AKT3: variants seen among roughly 807,000 people sequenced by gnomAD.
AKT3 encodes the protein RAC-gamma serine/threonine-protein kinase.
Under a neutral mutation model 65.3 loss-of-function variants are expected in AKT3, and 15 were observed. The observed-to-expected ratio is 0.23, with a 90% CI of 0.15 to 0.35. AKT3 has a LOEUF of 0.35. Among genes scored for constraint, AKT3 ranks in the 10% least tolerant of loss-of-function variants. AKT3 has a pLI of 1.00. For missense variants in AKT3, 243 were observed against 576.5 expected, an observed-to-expected ratio of 0.42 and a Z score of 5.92; for synonymous variants, 206 against 183.8, an observed-to-expected ratio of 1.12 and a Z score of -0.98.
At chr1:243,826,053 A>AC (rs1694146602) in intron 2 of AKT3, among the ~76,000 whole-genome samples, 1 of 151,902 alleles carries the variant, frequency 6.6e-6, no homozygotes, top group Admixed American at 6.6e-5. Flanking sequence ...AATCACTTGA[A>AC]CCCGGGAGAC....
intron 4 of AKT3, among the ~76,000 whole-genome samples, chr1:243,663,768 A>G (rs1184419130): frequency 6.6e-6 from 1 of 152,214 alleles, no homozygotes; most frequent in Non-Finnish European, 1.5e-5. Flanking sequence ...TTAACTTCAC[A>G]AAGTTGCTGA....
intron 10 of AKT3, among the ~76,000 whole-genome samples, chr1:243,554,013 C>G (rs1301876672): frequency 1.3e-5 from 2 of 152,052 alleles, no homozygotes; most frequent in Non-Finnish European, 2.9e-5. Context: ...TTGATAAGGA[C>G]AAAGCAGTAC....
intron 2 of AKT3, among the ~76,000 whole-genome samples, chr1:243,705,498 T>G (rs1244911930): frequency 1.3e-5 from 2 of 152,210 alleles, no homozygotes; most frequent in Non-Finnish European, 2.9e-5. Flanking sequence ...CCACTTGTTT[T>G]TAGGAAACAT....
At chr1:243,803,146 T>A (rs1197256265) in intron 2 of AKT3, among the ~76,000 whole-genome samples, 1 of 152,042 alleles carries the variant, frequency 6.6e-6, no homozygotes, top group Non-Finnish European at 1.5e-5. Flanking sequence ...TCTCAATAAT[T>A]TTTTTTAAAA....
chr1:243,772,772 G>A (rs961726363), intron 2 of AKT3, among the ~76,000 whole-genome samples: 1 of 152,120 alleles, frequency 6.6e-6, no homozygotes, highest in East Asian at 1.9e-4. Context: ...CAATAGCAAA[G>A]ACTTGGAACC....
chr1:243,782,419 T>C lies in AKT3; in HGVS notation c.46+60706A>G, dbSNP rs550716285. Among the ~76,000 whole-genome samples the C allele has an allele frequency of 9.8e-5, 15 of 152,314 alleles. No individual in the cohort carries two copies. In the South Asian group the frequency reaches 2.9e-3, roughly 29 times the overall value. On this transcript the variant is annotated intron_variant, in intron 2 of 13. Coordinates refer to ENST00000673466, the MANE Select transcript of AKT3 (RefSeq NM_005465.7). Reference sequence around the variant, plus strand: ...ATGTTTGGGAAGGGCCCATTCTTCATAGATGGCACCCTTCTTGTTGTGTCC... The same window carrying C: ...ATGTTTGGGAAGGGCCCATTCTTCACAGATGGCACCCTTCTTGTTGTGTCC...
chr1:243,500,460 A>AAATT lies in AKT3; in HGVS notation c.*4785_*4788dup. 1 of 226,298 alleles carries AAATT rather than the reference A, an allele frequency of 4.4e-6. No individual in the cohort carries two copies. Among genetic ancestry groups the AAATT allele is most frequent in the African/African-American group, 2.2e-5 (1 of 45,070 alleles). The allele number at this position is 226,298 out of a possible 1,614,324, so 14.0% of individuals were successfully genotyped here. On this transcript the variant is annotated 3_prime_UTR_variant, in exon 14 of 14. Transcript: ENST00000673466. ...GAGGAGCCTAAAAACGTACTTAGTG[A>AAATT]AATTAGAAAATTTACTTAGAGTATA...
chr1:243,542,143 A>G (rs896287794), intron 12 of AKT3, among the ~76,000 whole-genome samples: 2 of 152,214 alleles, frequency 1.3e-5, no homozygotes, highest in African/African-American at 4.8e-5. Context: ...ATCTCACACA[A>G]AATCTTAGCA....
intron 12 of AKT3, 47 bp from the exon 13 acceptor site, chr1:243,512,473 G>A (rs761040738): frequency 8.3e-7 from 1 of 1,199,910 alleles, no homozygotes; most frequent in East Asian, 2.4e-5. Context: ...TTCAATTCAG[G>A]AAAATTCCTT....
At position 243,711,392 on chromosome 1, in the gene AKT3, C is replaced by A. The variant is rs115139593; in HGVS notation, c.47-15676G>T. On this transcript the variant is annotated intron_variant, in intron 2 of 13. Transcript: ENST00000673466. ...TCACTAAATAACCACTAATACCATA[C>A]ATCCGAAATACTTTTATCCAACTGT... Among the ~76,000 whole-genome samples, 776 of 152,216 alleles carry A rather than the reference C, an allele frequency of 5.1e-3. 9 individuals are homozygous for A. The highest frequency in any genetic ancestry group is 0.018 in the African/African-American group (737 of 41,540).
At chr1:243,582,133 G>A (rs1290829428) in intron 8 of AKT3, among the ~76,000 whole-genome samples, 3 of 152,030 alleles carry the variant, frequency 2.0e-5, no homozygotes, top group Non-Finnish European at 2.9e-5. Flanking sequence ...GTATTCCTGA[G>A]AGAGAAGAAG....
chr1:243,539,112 A>T (rs1000755851), intron 12 of AKT3, among the ~76,000 whole-genome samples: 1 of 152,114 alleles, frequency 6.6e-6, no homozygotes, highest in Non-Finnish European at 1.5e-5. Context: ...AAAGCAGAAT[A>T]CAGTTGACCC....
chr1:243,669,999 C>A lies in AKT3; in HGVS notation c.173-5116G>T, dbSNP rs562190542. On this transcript the variant is annotated intron_variant, in intron 3 of 13. Transcript: ENST00000673466. ...AGCACTATGCAAAATGCTGGGCACA[C>A]AAAAATGAGTAGGAAACTCTATGAG... Among the ~76,000 whole-genome samples, 3 of 152,240 alleles carry A rather than the reference C, an allele frequency of 2.0e-5. No homozygotes were observed. The South Asian group carries it at 6.2e-4, about 32-fold the overall frequency.
chr1:243,526,163 A>G (rs1234867945), intron 12 of AKT3, among the ~76,000 whole-genome samples: 1 of 151,980 alleles, frequency 6.6e-6, no homozygotes, highest in Non-Finnish European at 1.5e-5. Context: ...TGTCCATAGG[A>G]CAGTAAGTTG....
chr1:243,712,360 A>G (rs978764398), intron 2 of AKT3, among the ~76,000 whole-genome samples: 1 of 152,220 alleles, frequency 6.6e-6, no homozygotes, highest in Non-Finnish European at 1.5e-5. Context: ...AAAGCAGAAA[A>G]TAACAGATAA....
chr1:243,833,518 C>T (rs1016344674), intron 2 of AKT3, among the ~76,000 whole-genome samples: 1 of 151,720 alleles, frequency 6.6e-6, no homozygotes, highest in Non-Finnish European at 1.5e-5. Flanking sequence ...GATTCAATTA[C>T]CTCCGCCTGG....
At chr1:243,578,227 C>T (rs1047806956) in intron 8 of AKT3, among the ~76,000 whole-genome samples, 13 of 152,116 alleles carry the variant, frequency 8.5e-5, no homozygotes, top group Non-Finnish European at 1.6e-4. Flanking sequence ...TACAAAGATA[C>T]GTGCATGCAT....
chr1:243,527,936 C>CACACACACAG (rs1671266313), intron 12 of AKT3, among the ~76,000 whole-genome samples: 6 of 38,244 alleles, frequency 1.6e-4, no homozygotes, highest in African/African-American at 4.6e-4. Flanking sequence ...CACACACACA[C>CACACACACAG]AGAGAGAGAG....
chr1:243,800,641 C>T (rs1301992772), intron 2 of AKT3, among the ~76,000 whole-genome samples: 1 of 152,042 alleles, frequency 6.6e-6, no homozygotes, highest in East Asian at 1.9e-4. Flanking sequence ...TTGCTTGAAC[C>T]CACAAGGCAG....
Sources: allele counts gnomAD v4.1 joint callset (sites outside exome capture counted in the v4.1 genomes callset), GRCh38; gene constraint gnomAD v4.1.1; transcripts MANE v1.5; gene names NCBI Gene and HGNC (gene_info 2026-07-23, HGNC 2026-07-21).